FBXL17: variants seen among roughly 807,000 people sequenced by gnomAD.
FBXL17 encodes F-box and leucine rich repeat protein 17, also known as F-box/LRR-repeat protein 17.
Under a neutral mutation model 66.2 loss-of-function variants are expected in FBXL17, and 22 were observed. The observed-to-expected ratio is 0.33, with a 90% CI of 0.24 to 0.47. FBXL17 has a LOEUF of 0.47. Ranked by LOEUF, FBXL17 falls within the 20% of genes least tolerant of loss-of-function variation. The pLI, the probability that FBXL17 is intolerant of heterozygous loss-of-function variation, is 1.00. For missense variants in FBXL17, 878 were observed against 948.2 expected, an observed-to-expected ratio of 0.93 and a Z score of 0.97; for synonymous variants, 474 against 400.5, an observed-to-expected ratio of 1.18 and a Z score of -2.19.
chr5:108,365,035 A>T, intron 2 of FBXL17, 40 bp from the exon 3 acceptor site: 1 of 1,467,588 alleles, frequency 6.8e-7, no homozygotes, highest in Non-Finnish European at 9.3e-7. Flanking sequence ...TTTTGCTAAA[A>T]ATAAAAACGT....
Position 108,315,185 on chromosome 5 carries a change from T to TA in FBXL17, c.1506+33213dup, listed in dbSNP as rs1357531884. On this transcript the variant is annotated intron_variant, in intron 4 of 8. Transcript: ENST00000542267. Reference sequence around the variant, plus strand: ...TTATTACTGAAGTAAAAAGGTAATTTAAAAAATCAAAAAAGGAATTCTCAT... The same window carrying TA: ...TTATTACTGAAGTAAAAAGGTAATTTAAAAAAATCAAAAAAGGAATTCTCAT... 2.0e-5 allele frequency among the ~76,000 whole-genome samples: 3 copies of TA among 151,146 alleles called. 1 individual carries two copies. Among genetic ancestry groups the TA allele is most frequent in the African/African-American group, 7.2e-5 (3 of 41,488 alleles).
intron 5 of FBXL17, among the ~76,000 whole-genome samples, chr5:108,214,368 CTT>C (rs70996986): frequency 0.31 from 40,457 of 129,400 alleles, 5,236 homozygotes; most frequent in Middle Eastern, 0.36. Flanking sequence ...TATTAATTGA[CTT>C]TTTTTTTTTT....
chr5:107,905,658 G>A (rs944030616), intron 7 of FBXL17, among the ~76,000 whole-genome samples: 3 of 152,106 alleles, frequency 2.0e-5, no homozygotes, highest in African/African-American at 4.8e-5. Flanking sequence ...CAATGTATGT[G>A]CTATGTGCAT....
intron 6 of FBXL17, among the ~76,000 whole-genome samples, chr5:108,108,198 T>C (rs1749884920): frequency 6.6e-6 from 1 of 152,224 alleles, no homozygotes; most frequent in Non-Finnish European, 1.5e-5. Flanking sequence ...ACCTTCTACA[T>C]CCATTTAATC....
intron 6 of FBXL17, among the ~76,000 whole-genome samples, chr5:108,079,563 C>A (rs1748686356): frequency 6.6e-6 from 1 of 151,980 alleles, no homozygotes; most frequent in African/African-American, 2.4e-5. Flanking sequence ...ATACAAGGAC[C>A]AGAAGAAGTA....
At chr5:108,257,256 T>G (rs1052488443) in intron 4 of FBXL17, among the ~76,000 whole-genome samples, 1 of 152,204 alleles carries the variant, frequency 6.6e-6, no homozygotes, top group African/African-American at 2.4e-5. Flanking sequence ...TATTAATTTC[T>G]TTGACCCTCA....
At chr5:108,376,902 G>A (rs902170290) in intron 1 of FBXL17, among the ~76,000 whole-genome samples, 4 of 151,464 alleles carry the variant, frequency 2.6e-5, no homozygotes, top group Admixed American at 6.6e-5. Context: ...GATTACAGGC[G>A]TGAGCCACCG....
intron 1 of FBXL17, among the ~76,000 whole-genome samples, chr5:108,374,068 G>T (rs1749252090): frequency 6.6e-6 from 1 of 152,066 alleles, no homozygotes; most frequent in South Asian, 2.1e-4. Context: ...TGACAGAATT[G>T]AAAGGAAAAA....
chr5:107,914,345 T>G (rs751785095), intron 7 of FBXL17, among the ~76,000 whole-genome samples: 2 of 152,200 alleles, frequency 1.3e-5, no homozygotes, highest in African/African-American at 2.4e-5. Context: ...TTATGAGTTC[T>G]CTCTGCTGAA....
chr5:108,010,046 T>C (rs550547655), intron 7 of FBXL17, among the ~76,000 whole-genome samples: 8 of 152,196 alleles, frequency 5.3e-5, no homozygotes, highest in Non-Finnish European at 8.8e-5. Context: ...GAAGTTGAAC[T>C]AGACCAGTAT....
rs554081097 is a variant in FBXL17, at chr5:108,107,584, G to A, written c.1745+78533C>T. Among the ~76,000 whole-genome samples, 54 of 151,978 alleles carry A rather than the reference G, an allele frequency of 3.6e-4. No homozygotes were observed. The South Asian group carries it at 0.01, about 29-fold the overall frequency. The stretch of plus-strand genomic sequence containing the variant: ...TCCCAGCACTTTGGGAGGCCAAGGC[G>A]GGCAGATCACGAGGTCAGGAGATTG... On this transcript the variant is annotated intron_variant, in intron 6 of 8. Coordinates refer to ENST00000542267, the MANE Select transcript of FBXL17 (RefSeq NM_001163315.3).
At chr5:108,184,262 A>G (rs1051377971) in intron 6 of FBXL17, among the ~76,000 whole-genome samples, 2 of 152,102 alleles carry the variant, frequency 1.3e-5, no homozygotes, top group East Asian at 1.9e-4. Flanking sequence ...CATCTCTACT[A>G]AAAATACAAA....
At chr5:108,044,442 T>C (rs1342142014) in intron 6 of FBXL17, among the ~76,000 whole-genome samples, 4 of 152,200 alleles carry the variant, frequency 2.6e-5, no homozygotes, top group African/African-American at 9.6e-5. Context: ...GATATGATCA[T>C]GTGATCTTTT....
chr5:108,133,490 TTCAA>T (rs1751015534), intron 6 of FBXL17, among the ~76,000 whole-genome samples: 1 of 152,172 alleles, frequency 6.6e-6, no homozygotes, highest in Non-Finnish European at 1.5e-5. Context: ...CATTCAGTCA[TTCAA>T]TCAGAGCACA....
chr5:108,067,288 G>A, intron 6 of FBXL17, among the ~76,000 whole-genome samples: 1 of 152,010 alleles, frequency 6.6e-6, no homozygotes. Context: ...TGTTGTTGTT[G>A]TTATATGTAT....
chr5:108,325,173 A>G (rs1340084697), intron 4 of FBXL17, among the ~76,000 whole-genome samples: 2 of 152,150 alleles, frequency 1.3e-5, no homozygotes, highest in African/African-American at 4.8e-5. Flanking sequence ...AAAAATGGGT[A>G]AGATGGTAAA....
At chr5:107,864,637 T>A (rs1446361850) in intron 8 of FBXL17, among the ~76,000 whole-genome samples, 1 of 152,150 alleles carries the variant, frequency 6.6e-6, no homozygotes, top group Admixed American at 6.5e-5. Flanking sequence ...TCTCGAGATC[T>A]GGTTGTTTAA....
chr5:108,182,657 T>C (rs1431536473), intron 6 of FBXL17, among the ~76,000 whole-genome samples: 1 of 152,006 alleles, frequency 6.6e-6, no homozygotes, highest in Non-Finnish European at 1.5e-5. Context: ...ACAATACATA[T>C]ATTTAGGATC....
intron 5 of FBXL17, among the ~76,000 whole-genome samples, chr5:108,192,775 G>C (rs1753520014): frequency 6.6e-6 from 1 of 152,162 alleles, no homozygotes. Flanking sequence ...CTGGGTGACA[G>C]AGCGAGATGA....
Sources: allele counts gnomAD v4.1 joint callset (sites outside exome capture counted in the v4.1 genomes callset), GRCh38; gene constraint gnomAD v4.1.1; transcripts MANE v1.5; gene names NCBI Gene and HGNC (gene_info 2026-07-23, HGNC 2026-07-21).